The following FAM117B variants were observed in gnomAD, a reference collection of about 807,000 sequenced individuals.
FAM117B encodes the protein family with sequence similarity 117 member B, also known as protein FAM117B.
Under a neutral mutation model 52.8 loss-of-function variants are expected in FAM117B, and 22 were observed. The ratio of observed to expected loss-of-function variants is 0.42; its 90% CI spans 0.30 to 0.59. FAM117B has a LOEUF of 0.59. Ranked by LOEUF, FAM117B falls within the 20% of genes least tolerant of loss-of-function variation. FAM117B has a pLI of 0.22. For missense variants in FAM117B, 678 were observed against 802.6 expected (o/e 0.84, Z 1.88); for synonymous variants, 309 against 324.1 (o/e 0.95, Z 0.50).
intron 4 of FAM117B, among the ~76,000 whole-genome samples, chr2:202,729,441 C>T (rs188822167): frequency 5.3e-5 from 8 of 152,174 alleles, no homozygotes; most frequent in Admixed American, 1.3e-4. Flanking sequence ...AAGTGCCACA[C>T]GATACATGTG....
At chr2:202,646,777 T>C (rs905540538) in intron 1 of FAM117B, among the ~76,000 whole-genome samples, 1 of 152,160 alleles carries the variant, frequency 6.6e-6, no homozygotes. Flanking sequence ...TGCAAGTGAG[T>C]AGTGAAGTAA....
At chr2:202,714,735 T>C (rs1434302001) in intron 2 of FAM117B, among the ~76,000 whole-genome samples, 1 of 152,088 alleles carries the variant, frequency 6.6e-6, no homozygotes. Flanking sequence ...TGATGACTCT[T>C]TAACTAGCAT....
chr2:202,665,662 G>A (rs1459274564), intron 1 of FAM117B, among the ~76,000 whole-genome samples: 1 of 152,136 alleles, frequency 6.6e-6, no homozygotes, highest in Non-Finnish European at 1.5e-5. Context: ...GTGCAGTGGT[G>A]CAATCTCGGC....
rs1290199443 is a variant in FAM117B at position 202,769,094 on chromosome 2, TATACTTA to T, written c.*3338_*3344del. 2.6e-5 allele frequency: 4 copies of T among 152,328 alleles called. No individual in the cohort carries two copies. The highest frequency in any genetic ancestry group is 2.1e-4 in the South Asian group (1 of 4,830). 9.4% of individuals were successfully genotyped at this position (152,328 alleles called of 1,614,324 possible). A position where few individuals can be genotyped will look rare whatever the true frequency, so the allele number is the denominator to read the frequency against. ...ATTATTCAATTTGTTTTATATTTCT[TATACTTA>T]ATACTTATGACTACAGTCCAAATCA... On this transcript the variant is annotated 3_prime_UTR_variant, in exon 8 of 8. Coordinates refer to ENST00000392238, the MANE Select transcript of FAM117B (RefSeq NM_173511.4).
intron 2 of FAM117B, among the ~76,000 whole-genome samples, chr2:202,721,119 A>G (rs1205847423): frequency 1.3e-5 from 2 of 151,994 alleles, no homozygotes; most frequent in African/African-American, 4.8e-5. Flanking sequence ...CCCCTCTTCC[A>G]TGAGGAGAGG....
intron 1 of FAM117B, among the ~76,000 whole-genome samples, chr2:202,644,476 A>G (rs1053413490): frequency 2.0e-5 from 3 of 152,144 alleles, no homozygotes; most frequent in African/African-American, 7.2e-5. Context: ...TCATATTCCA[A>G]ATTAGCTCAT....
chr2:202,711,668 A>G (rs1690959951), intron 2 of FAM117B, among the ~76,000 whole-genome samples: 1 of 152,172 alleles, frequency 6.6e-6, no homozygotes, highest in African/African-American at 2.4e-5. Context: ...TAGTAGTTTC[A>G]TAGTTTGAGG....
intron 2 of FAM117B, among the ~76,000 whole-genome samples, chr2:202,714,940 A>G (rs1409941920): frequency 6.6e-6 from 1 of 151,908 alleles, no homozygotes; most frequent in Non-Finnish European, 1.5e-5. Context: ...TTCTTTCTAC[A>G]CAGACACAGC....
At chr2:202,739,759 C>T (rs1404602497) in intron 4 of FAM117B, among the ~76,000 whole-genome samples, 1 of 152,086 alleles carries the variant, frequency 6.6e-6, no homozygotes, top group Non-Finnish European at 1.5e-5. Context: ...TGTATCTGGC[C>T]TCTCTATTGT....
chr2:202,747,188 T>G (rs1691647854), intron 4 of FAM117B, among the ~76,000 whole-genome samples: 2 of 152,170 alleles, frequency 1.3e-5, no homozygotes, highest in South Asian at 4.1e-4. Flanking sequence ...CAACAATCAT[T>G]GTAATAGATA....
chr2:202,646,445 C>T (rs1210539125), intron 1 of FAM117B, among the ~76,000 whole-genome samples: 1 of 152,036 alleles, frequency 6.6e-6, no homozygotes, highest in Non-Finnish European at 1.5e-5. Flanking sequence ...TTTTTTTCTT[C>T]TCTTGGGCCA....
intron 4 of FAM117B, among the ~76,000 whole-genome samples, chr2:202,729,060 G>A (rs1045700616): frequency 1.3e-4 from 20 of 152,176 alleles, no homozygotes; most frequent in Non-Finnish European, 1.8e-4. Flanking sequence ...CACGCTGGCC[G>A]GGCACGGTGG....
At chr2:202,725,313 T>TC (rs1320968471) in intron 3 of FAM117B, 2 of 195,950 alleles carry the variant, frequency 1.0e-5, no homozygotes, top group African/African-American at 4.9e-5. Context: ...TTTTTTTTTT[T>TC]TTGGGGTGTG....
Position 202,635,612 on chromosome 2 carries a change from C to G in FAM117B, c.425C>G (p.Pro142Arg). The G allele has an allele frequency of 1.6e-6, 2 of 1,288,294 alleles. No individual in the cohort carries two copies. The highest frequency in any genetic ancestry group is 2.5e-5 in the South Asian group (1 of 40,582). 79.8% of individuals were successfully genotyped at this position (1,288,294 alleles called of 1,614,324 possible). A position where few individuals can be genotyped will look rare whatever the true frequency, so the allele number is the denominator to read the frequency against. Residue 142 changes from proline to arginine, a missense_variant, in exon 1 of 8, where the codon CCG (proline) becomes CGG (arginine). Coordinates refer to ENST00000392238, the MANE Select transcript of FAM117B (RefSeq NM_173511.4). ...GARGSPPRPP[P>R]PPPLLGTVSS... ...CGCGGGAGCCCCCCACGGCCGCCGC[C>G]GCCGCCGCCGCTGCTGGGCACCGTG...
chr2:202,651,108 G>C (rs977658362), intron 1 of FAM117B, among the ~76,000 whole-genome samples: 1 of 147,696 alleles, frequency 6.8e-6, no homozygotes, highest in East Asian at 2.0e-4. Flanking sequence ...AGTCGCCCAG[G>C]CTGGAGTGCA....
chr2:202,722,572 C>T (rs1462807375), intron 2 of FAM117B, among the ~76,000 whole-genome samples: 1 of 152,032 alleles, frequency 6.6e-6, no homozygotes, highest in East Asian at 1.9e-4. Flanking sequence ...AACACAGGAA[C>T]AGAAAACCAA....
chr2:202,763,029 G>T, intron 7 of FAM117B, among the ~76,000 whole-genome samples: 1 of 147,304 alleles, frequency 6.8e-6, no homozygotes. Context: ...GAAATGTGAA[G>T]TTTCATCCCA....
intron 1 of FAM117B, among the ~76,000 whole-genome samples, chr2:202,655,763 T>A (rs867893450): frequency 0.016 from 1,715 of 109,196 alleles, 20 homozygotes; most frequent in Non-Finnish European, 0.024. Context: ...AGAGAGAGAG[T>A]GTGTGTGTGT....
At position 202,731,533 on chromosome 2, in the gene FAM117B, C is replaced by T. The variant is rs572603559; in HGVS notation, c.960+5170C>T. On this transcript the variant is annotated intron_variant, in intron 4 of 7. Coordinates refer to ENST00000392238, the MANE Select transcript of FAM117B (RefSeq NM_173511.4). The stretch of plus-strand genomic sequence containing the variant: ...GTAACCTCCGCCTCCCGGGTTCAAG[C>T]GATTCTCCTGCCTCAGCTTCCTGAG... Among the ~76,000 whole-genome samples the T allele has an allele frequency of 4.6e-5, 7 of 151,460 alleles. No individual in the cohort carries two copies. The South Asian group carries it at 6.3e-4, about 14-fold the overall frequency.
Sources: gnomAD v4.1 joint callset for allele counts (sites outside exome capture counted in the v4.1 genomes callset) on GRCh38, gnomAD v4.1.1 for gene constraint, MANE v1.5 for transcripts, NCBI Gene and HGNC (gene_info 2026-07-23, HGNC 2026-07-21) for gene names.